The following FLVCR1 variants were observed in gnomAD, a reference collection of about 807,000 sequenced individuals.
FLVCR1 encodes FLVCR choline and heme transporter 1.
FLVCR1 carries 34 observed loss-of-function variants against 53.6 expected under a neutral mutation model. That is an observed-to-expected ratio of 0.63 (90% CI 0.48 to 0.84). The LOEUF is 0.84. FLVCR1 is among the 40% of genes least tolerant of loss of function. The pLI, the probability that FLVCR1 is intolerant of heterozygous loss-of-function variation, is 0.00. For missense variants in FLVCR1, 677 were observed against 696.7 expected (o/e 0.97, Z 0.32); for synonymous variants, 300 against 286.3 (o/e 1.05, Z -0.48).
At chr1:212,869,430 G>A (rs1664535682) in intron 2 of FLVCR1, among the ~76,000 whole-genome samples, 2 of 152,148 alleles carry the variant, frequency 1.3e-5, no homozygotes, top group Admixed American at 1.3e-4. Flanking sequence ...ACATGTAGCT[G>A]GTAAATACAG....
chr1:212,884,789 T>C (rs1665018638), intron 4 of FLVCR1, among the ~76,000 whole-genome samples: 1 of 152,244 alleles, frequency 6.6e-6, no homozygotes, highest in Non-Finnish European at 1.5e-5. Context: ...CTACGTGGTA[T>C]AGCCTATTGC....
At chr1:212,872,268 C>G (rs1664622193) in intron 2 of FLVCR1, among the ~76,000 whole-genome samples, 1 of 152,186 alleles carries the variant, frequency 6.6e-6, no homozygotes, top group Non-Finnish European at 1.5e-5. Context: ...GCATGAGCCA[C>G]TGTGCCCAGC....
chr1:212,864,583 G>T (rs1664352203), intron 2 of FLVCR1: 1 of 152,304 alleles, frequency 6.6e-6, no homozygotes, highest in African/African-American at 2.4e-5. Flanking sequence ...GATAGGTAAG[G>T]TTTATTTAAG....
chr1:212,898,421 GTTTTTA>G lies in FLVCR1; in HGVS notation c.*3138_*3143del, dbSNP rs1665395321. The G allele has an allele frequency of 7.6e-6, 1 of 131,572 alleles. No individual in the cohort carries two copies. The highest frequency in any genetic ancestry group is 8.1e-5 in the Admixed American group (1 of 12,352). 8.2% of individuals were successfully genotyped at this position (131,572 alleles called of 1,614,324 possible). ...TATATTTTAAGGTCTCTCCCCAAAT[GTTTTTA>G]TTTTTAAACTATCAATGTTGTTTAA... is the stretch of plus-strand genomic sequence containing the variant. On this transcript the variant is annotated 3_prime_UTR_variant, in exon 10 of 10. Transcript: ENST00000366971.
intron 3 of FLVCR1, among the ~76,000 whole-genome samples, chr1:212,875,287 A>C (rs1388429179): frequency 1.3e-5 from 2 of 152,362 alleles, no homozygotes; most frequent in South Asian, 4.1e-4. Flanking sequence ...AAGGATAACA[A>C]CACAAGATGA....
Position 212,897,760 on chromosome 1 carries a change from AACTC to A in FLVCR1, c.*2476_*2479del, listed in dbSNP as rs1266518826. On this transcript the variant is annotated 3_prime_UTR_variant, in exon 10 of 10. Coordinates refer to ENST00000366971, the MANE Select transcript of FLVCR1 (RefSeq NM_014053.4). ...CCTTCAAACAACCAGATTTTGTGAA[AACTC>A]ACTCATTACTGCAAGGACAGCACCA... 2.0e-5 allele frequency: 3 copies of A among 152,124 alleles called. No individual in the cohort carries two copies. The highest frequency in any genetic ancestry group is 2.9e-5 in the Non-Finnish European group (2 of 68,054). 9.4% of individuals were successfully genotyped at this position (152,124 alleles called of 1,614,324 possible).
chr1:212,896,180 C>T lies in FLVCR1; in HGVS notation c.*890C>T, dbSNP rs1665331038. Reference sequence around the variant, plus strand: ...TAACTTTCTAGTAAGATAATTTCATCATGTATGTTACTGGCTATTTCATGA... The same window carrying T: ...TAACTTTCTAGTAAGATAATTTCATTATGTATGTTACTGGCTATTTCATGA... On this transcript the variant is annotated 3_prime_UTR_variant, in exon 10 of 10. Coordinates refer to ENST00000366971, the MANE Select transcript of FLVCR1 (RefSeq NM_014053.4). 1.3e-5 allele frequency: 2 copies of T among 148,588 alleles called. No homozygotes were observed. Among genetic ancestry groups the T allele is most frequent in the South Asian group, 4.3e-4 (2 of 4,704 alleles). 9.2% of individuals were successfully genotyped at this position (148,588 alleles called of 1,614,324 possible).
rs559269777 is a variant in FLVCR1 at position 212,877,556 on chromosome 1, T to C, written c.1024+4738T>C. On this transcript the variant is annotated intron_variant, in intron 3 of 9. Transcript: ENST00000366971. ...GTGTTTGTTCATGTTCTTTGCCCAC[T>C]TTTTAATGAGGTTTTTTTTTCTTGT... Among the ~76,000 whole-genome samples, 109 of 152,246 alleles carry C rather than the reference T, an allele frequency of 7.2e-4. 2 individuals carry two copies. In the East Asian group the frequency reaches 8.9e-3, roughly 12 times the overall value.
intron 5 of FLVCR1, 27 bp from the exon 6 acceptor site, chr1:212,887,864 C>T (rs370684480): frequency 2.9e-4 from 347 of 1,189,574 alleles, no homozygotes; most frequent in Non-Finnish European, 4.2e-4. Flanking sequence ...AGACAAAATA[C>T]TAACAGCTTT....
At chr1:212,861,403 A>G (rs140351121) in intron 1 of FLVCR1, among the ~76,000 whole-genome samples, 3 of 152,218 alleles carry the variant, frequency 2.0e-5, no homozygotes, top group East Asian at 3.9e-4. Flanking sequence ...TAATATTTCT[A>G]TATAAGGTGC....
chr1:212,871,509 G>A (rs1012572187), intron 2 of FLVCR1, among the ~76,000 whole-genome samples: 5 of 151,994 alleles, frequency 3.3e-5, no homozygotes, highest in Non-Finnish European at 5.9e-5. Flanking sequence ...TCAGTGAAGC[G>A]ATCCTGAAGC....
rs567270153 is a variant in FLVCR1 at position 212,860,350 on chromosome 1, G to GTTTTTTTTTTTTTTT, written c.738+1164_738+1178dup. Among the ~76,000 whole-genome samples the GTTTTTTTTTTTTTTT allele has an allele frequency of 5.1e-4, 44 of 85,832 alleles. 4 individuals are homozygous for GTTTTTTTTTTTTTTT. The highest frequency in any genetic ancestry group is 7.5e-4 in the Non-Finnish European group (31 of 41,264). 56.3% of individuals were successfully genotyped at this position (85,832 alleles called of 152,430 possible). A position where few individuals can be genotyped will look rare whatever the true frequency, so the allele number is the denominator to read the frequency against. On this transcript the variant is annotated intron_variant, in intron 1 of 9. Transcript: ENST00000366971. Reference sequence around the variant, plus strand: ...TATTATAAAGTTTTTTGTGTGTGTGGTTTTTTTTTTTTTTTTTTGTAGAAA... The same window carrying GTTTTTTTTTTTTTTT: ...TATTATAAAGTTTTTTGTGTGTGTGGTTTTTTTTTTTTTTTTTTTTTTTTTTTTTTTTTGTAGAAA...
intron 1 of FLVCR1, among the ~76,000 whole-genome samples, chr1:212,862,456 A>T (rs1664273819): frequency 6.6e-6 from 1 of 152,204 alleles, no homozygotes; most frequent in South Asian, 2.1e-4. Flanking sequence ...GGCTTCTTTC[A>T]CTTAGCTTAT....
intron 7 of FLVCR1, among the ~76,000 whole-genome samples, chr1:212,888,797 C>T (rs772454738): frequency 1.3e-5 from 2 of 152,064 alleles, no homozygotes. Flanking sequence ...CAATCCTCCC[C>T]CCTCTGCCTC....
Position 212,889,028 on chromosome 1 carries a change from A to G in FLVCR1, c.1414-118A>G, listed in dbSNP as rs534502806. The G allele has an allele frequency of 3.3e-5, 26 of 796,112 alleles. 1 individual carries two copies. Among genetic ancestry groups the G allele is most frequent in the East Asian group, 2.2e-4 (8 of 36,132 alleles). 49.3% of individuals were successfully genotyped at this position (796,112 alleles called of 1,614,324 possible). Reference sequence around the variant, plus strand: ...TTTGTTTTAACAATTCAACTTTTCAATGAATGTTTCTAGAAACCAAATCAT... The same window carrying G: ...TTTGTTTTAACAATTCAACTTTTCAGTGAATGTTTCTAGAAACCAAATCAT... On this transcript the variant is annotated intron_variant, in intron 7 of 9. Coordinates refer to ENST00000366971, the MANE Select transcript of FLVCR1 (RefSeq NM_014053.4).
At position 212,858,897 on chromosome 1, in the gene FLVCR1, C is replaced by G; in HGVS notation, c.445C>G (p.Leu149Val). ...YGVTLLHIDWLSMVYMLAYVP... is the reference protein window; with the variant it reads ...YGVTLLHIDWVSMVYMLAYVP... ...TGTCACCTTGCTGCACATCGACTGGCTGTCCATGGTGTACATGCTGGCCTA... is the reference window on the plus strand; with the variant it reads ...TGTCACCTTGCTGCACATCGACTGGGTGTCCATGGTGTACATGCTGGCCTA... Residue 149 changes from leucine (L) to valine (V), a missense_variant, in exon 1 of 10, where the codon CTG becomes GTG. Leu to Val is a conservative substitution (Grantham distance 32). Coordinates refer to ENST00000366971, the MANE Select transcript of FLVCR1 (RefSeq NM_014053.4). 2 of 1,614,270 alleles carry G rather than the reference C, an allele frequency of 1.2e-6. No individual in the cohort carries two copies. Among genetic ancestry groups the G allele is most frequent in the Non-Finnish European group, 1.7e-6 (2 of 1,180,050 alleles).
At chr1:212,878,670 T>A (rs1004470469) in intron 3 of FLVCR1, among the ~76,000 whole-genome samples, 2 of 152,270 alleles carry the variant, frequency 1.3e-5, no homozygotes, top group East Asian at 1.9e-4. Context: ...AGGTATTGTA[T>A]TCCTATGAAA....
chr1:212,872,566 A>C (rs1664630604), intron 2 of FLVCR1, 112 bp from the exon 3 acceptor site: 1 of 755,038 alleles, frequency 1.3e-6, no homozygotes, highest in Admixed American at 2.5e-5. Flanking sequence ...TTAAACTTAA[A>C]CTGTATTCTG....
intron 2 of FLVCR1, among the ~76,000 whole-genome samples, chr1:212,872,176 G>T (rs946194700): frequency 6.6e-6 from 1 of 151,724 alleles, no homozygotes; most frequent in African/African-American, 2.4e-5. Context: ...GTGCAATGGC[G>T]CAGTCACAGC....
Sources: gnomAD v4.1 joint callset for allele counts (sites outside exome capture counted in the v4.1 genomes callset) on GRCh38, gnomAD v4.1.1 for gene constraint, MANE v1.5 for transcripts, NCBI Gene and HGNC (gene_info 2026-07-23, HGNC 2026-07-21) for gene names.